PARVB: variants seen among roughly 807,000 people sequenced by gnomAD.
PARVB encodes the protein parvin beta.
Under a neutral mutation model 47.0 loss-of-function variants are expected in PARVB, and 46 were observed. That is an observed-to-expected ratio of 0.98 (90% CI 0.77 to 1.25). The LOEUF (loss-of-function observed/expected upper bound fraction) is 1.25. Ranked by LOEUF, PARVB falls within the 50% of genes most tolerant of loss-of-function variation. The probability of loss-of-function intolerance (pLI) is 0.00; values close to 1 mark genes in which losing one functional copy is unlikely to be tolerated. For synonymous variants in PARVB, 196 were observed against 196.3 expected (o/e 1.00, Z 0.01); for missense variants, 473 against 471.6 (o/e 1.00, Z -0.03).
chr22:44,067,079 C>T (rs556022345), intron 1 of PARVB, among the ~76,000 whole-genome samples: 17 of 152,198 alleles, frequency 1.1e-4, no homozygotes, highest in African/African-American at 2.4e-4. Context: ...TGGGCTCGAG[C>T]GGTCCTCCTG....
At chr22:44,147,388 T>G in intron 8 of PARVB, 2 of 301,866 alleles carry the variant, frequency 6.6e-6, no homozygotes, top group South Asian at 3.1e-5. Context: ...GGGCCAGGAG[T>G]GGAGTAGGAG....
chr22:44,085,891 A>G (rs965444413), intron 1 of PARVB, among the ~76,000 whole-genome samples: 4 of 152,236 alleles, frequency 2.6e-5, no homozygotes, highest in Admixed American at 6.5e-5. Flanking sequence ...ACAGGGTTTC[A>G]GCAGTGAGCT....
intron 9 of PARVB, chr22:44,149,111 C>T (rs2053748607): frequency 6.6e-6 from 1 of 152,136 alleles, no homozygotes; most frequent in African/African-American, 2.4e-5. Context: ...CCCCATCTGT[C>T]AAGTGGGGAC....
chr22:44,093,931 G>A lies in PARVB; in HGVS notation c.116G>A (p.Ser39Asn), dbSNP rs1412166393. The change falls in exon 2 of 13, where the codon AGT becomes AAT. Residue 39 changes from serine (S) to asparagine (N), a missense_variant. Physicochemically the swap from Ser to Asn is conservative, Grantham distance 46. Coordinates refer to ENST00000338758, the MANE Select transcript of PARVB (RefSeq NM_013327.5). Reference sequence around the variant, plus strand: ...TTTCTTTCCTTTTGCTCAACAGTGAGTGACCTGCAGGAAGAAGGCAAGAAT... The same window carrying A: ...TTTCTTTCCTTTTGCTCAACAGTGAATGACCTGCAGGAAGAAGGCAAGAAT... ...LARKRRAREVSDLQEEGKNAI... is the reference protein window; with the variant it reads ...LARKRRAREVNDLQEEGKNAI... 1 of 1,612,006 alleles carries A rather than the reference G, an allele frequency of 6.2e-7. No homozygotes were observed. Among genetic ancestry groups the A allele is most frequent in the African/African-American group, 1.3e-5 (1 of 74,878 alleles).
chr22:44,160,792 G>A (rs183414547), intron 11 of PARVB, among the ~76,000 whole-genome samples: 11 of 152,308 alleles, frequency 7.2e-5, no homozygotes, highest in African/African-American at 2.6e-4. Flanking sequence ...AGGCTTGGAA[G>A]GGGCTTTGCT....
chr22:44,090,389 G>A (rs1206167600), intron 1 of PARVB, among the ~76,000 whole-genome samples: 1 of 152,202 alleles, frequency 6.6e-6, no homozygotes, highest in African/African-American at 2.4e-5. Context: ...AGCAGTCCCT[G>A]GGCGGTGTTC....
chr22:44,126,908 C>G (rs2053197267), intron 4 of PARVB, among the ~76,000 whole-genome samples: 1 of 152,230 alleles, frequency 6.6e-6, no homozygotes, highest in Non-Finnish European at 1.5e-5. Flanking sequence ...GCATCTGCAT[C>G]TCAGCCGTGG....
In PARVB at chr22:44,043,480, G is replaced by A. The variant is rs539025065; in HGVS notation, c.112+19029G>A. 1.4e-3 allele frequency among the ~76,000 whole-genome samples: 209 copies of A among 152,056 alleles called. 1 individual carries two copies. Among genetic ancestry groups the A allele is most frequent in the Non-Finnish European group, 2.8e-3 (188 of 68,026 alleles). ...TGCAAGCTCCGCCTCCCGGGATCAC[G>A]CCATTCTCCTCCTTGGCCACCCGAG... On this transcript the variant is annotated intron_variant, in intron 1 of 12. Transcript: ENST00000338758.
In PARVB at chr22:44,102,255, C is replaced by T. The variant is rs547775529; in HGVS notation, c.273+2132C>T. ...TCTATGGGATCAGATGAGGCCCACC[C>T]GCTTTGGGGAGGGCTGTCTGCTTTA... is the stretch of plus-strand genomic sequence containing the variant. On this transcript the variant is annotated intron_variant, in intron 3 of 12. Transcript: ENST00000338758. Among the ~76,000 whole-genome samples, 85 of 152,260 alleles carry T rather than the reference C, an allele frequency of 5.6e-4. 1 individual carries two copies. The highest frequency in any genetic ancestry group is 6.2e-4 in the South Asian group (3 of 4,822).
At chr22:44,000,348 G>A (rs1461573174) in intron 2 of PARVB, among the ~76,000 whole-genome samples, 2 of 152,216 alleles carry the variant, frequency 1.3e-5, no homozygotes, top group Non-Finnish European at 2.9e-5. Flanking sequence ...TTGACCAGCC[G>A]TATGACCTTG....
At chr22:44,116,443 G>C (rs1372794641) in intron 3 of PARVB, among the ~76,000 whole-genome samples, 2 of 152,224 alleles carry the variant, frequency 1.3e-5, no homozygotes, top group Non-Finnish European at 2.9e-5. Flanking sequence ...GCGTCCGTGT[G>C]TCTCTTGGAG....
chr22:44,156,548 A>T (rs1040748799), intron 10 of PARVB, among the ~76,000 whole-genome samples: 1 of 152,186 alleles, frequency 6.6e-6, no homozygotes, highest in Non-Finnish European at 1.5e-5. Flanking sequence ...AAGTGCTAGG[A>T]TTACAGGCGT....
At chr22:44,028,421 T>C (rs2050769744) in intron 1 of PARVB, among the ~76,000 whole-genome samples, 1 of 152,192 alleles carries the variant, frequency 6.6e-6, no homozygotes, top group African/African-American at 2.4e-5. Flanking sequence ...CGTTTTCAGA[T>C]TGGCTTCTTC....
intron 4 of PARVB, among the ~76,000 whole-genome samples, chr22:44,129,701 T>C (rs997414251): frequency 6.6e-6 from 1 of 152,236 alleles, no homozygotes; most frequent in Non-Finnish European, 1.5e-5. Context: ...TAGATCCAGA[T>C]GGAGGGAAAT....
At chr22:44,071,767 C>T (rs1273829857) in intron 1 of PARVB, among the ~76,000 whole-genome samples, 1 of 152,230 alleles carries the variant, frequency 6.6e-6, no homozygotes, top group Non-Finnish European at 1.5e-5. Flanking sequence ...GAATCACATC[C>T]TAGCTCCGTA....
chr22:44,077,033 G>T (rs1482372107), intron 1 of PARVB, among the ~76,000 whole-genome samples: 1 of 152,168 alleles, frequency 6.6e-6, no homozygotes, highest in Non-Finnish European at 1.5e-5. Context: ...TGCCTGCCCG[G>T]GGCCAAGCAG....
chr22:44,123,596 A>G (rs1019337175), intron 4 of PARVB, among the ~76,000 whole-genome samples: 2 of 152,106 alleles, frequency 1.3e-5, no homozygotes, highest in East Asian at 1.9e-4. Context: ...TGTATTTTTT[A>G]TAGATACGAG....
intron 2 of PARVB, among the ~76,000 whole-genome samples, chr22:44,012,888 ATTTAACTTTTTTTTTT>A (rs1014982755): frequency 1.5e-5 from 2 of 131,292 alleles, no homozygotes; most frequent in Non-Finnish European, 3.2e-5. Context: ...AGCTTTATTT[ATTTAACTTTTTTTTTT>A]TTTAACTTTT....
At chr22:44,143,256 G>A (rs967778882) in intron 8 of PARVB, 1 of 152,442 alleles carries the variant, frequency 6.6e-6, no homozygotes, top group African/African-American at 2.4e-5. Flanking sequence ...GGGATGGCCT[G>A]GCTCCTCTTC....
Sources: gnomAD v4.1 joint callset for allele counts (sites outside exome capture counted in the v4.1 genomes callset) on GRCh38, gnomAD v4.1.1 for gene constraint, MANE v1.5 for transcripts, NCBI Gene and HGNC (gene_info 2026-07-23, HGNC 2026-07-21) for gene names.